Variants in RNF157 observed in about 807,000 individuals in gnomAD.
RNF157 encodes ring finger protein 157.
Under a neutral mutation model 88.3 loss-of-function variants are expected in RNF157, and 55 were observed. The observed-to-expected ratio is 0.62, with a 90% confidence interval of 0.50 to 0.78. The LOEUF (loss-of-function observed/expected upper bound fraction) is 0.78, where lower values mean the gene tolerates loss of function less well. Among genes scored for constraint, RNF157 ranks in the 30% least tolerant of loss-of-function variants. RNF157 has a pLI of 0.00. For synonymous variants in RNF157, 334 were observed against 341.2 expected, an observed-to-expected ratio of 0.98 and a Z score of 0.23; for missense variants, 788 against 860.8, an observed-to-expected ratio of 0.92 and a Z score of 1.06.
At chr17:76,146,000 G>C (rs2068579750) in intron 18 of RNF157, among the ~76,000 whole-genome samples, 1 of 152,150 alleles carries the variant, frequency 6.6e-6, no homozygotes, top group Non-Finnish European at 1.5e-5. Context: ...AGAGCCTCGG[G>C]GTCCCACAGA....
At position 76,165,687 on chromosome 17, in the gene RNF157, T is replaced by C. The variant is rs560269027; in HGVS notation, c.629-142A>G. The C allele has an allele frequency of 8.5e-5, 69 of 808,136 alleles. No homozygotes were observed. In the South Asian group the frequency reaches 1.0e-3, roughly 12 times the overall value. The allele number at this position is 808,136 out of a possible 1,614,324, so 50.1% of individuals were successfully genotyped here. A position where few individuals can be genotyped will look rare whatever the true frequency, so the allele number is the denominator to read the frequency against. On this transcript the variant is annotated intron_variant, in intron 6 of 18. Transcript: ENST00000269391. Reference sequence around the variant, plus strand: ...GGGCACGTTATATAACCCATACTTTTTTTTTTTTGAGACAGAGTCTGGCTC... The same window carrying C: ...GGGCACGTTATATAACCCATACTTTCTTTTTTTTGAGACAGAGTCTGGCTC...
intron 1 of RNF157, among the ~76,000 whole-genome samples, chr17:76,225,040 C>T (rs4789256): frequency 0.14 from 20,533 of 151,954 alleles, 2,040 homozygotes; most frequent in African/African-American, 0.26. Context: ...GGTATGGTGG[C>T]GGGCATCTGT....
chr17:76,224,508 A>G (rs1164037303), intron 1 of RNF157, among the ~76,000 whole-genome samples: 2 of 152,138 alleles, frequency 1.3e-5, no homozygotes, highest in African/African-American at 2.4e-5. Context: ...TAGATCACAA[A>G]AATAAGAAGA....
At chr17:76,235,945 G>C (rs1317599881) in intron 1 of RNF157, among the ~76,000 whole-genome samples, 1 of 152,154 alleles carries the variant, frequency 6.6e-6, no homozygotes, top group African/African-American at 2.4e-5. Context: ...GGACTTTGAG[G>C]TTACAGTGAG....
chr17:76,207,708 C>A (rs1343234345), intron 2 of RNF157, among the ~76,000 whole-genome samples: 1 of 152,176 alleles, frequency 6.6e-6, no homozygotes, highest in East Asian at 1.9e-4. Context: ...TAACCTAACA[C>A]TCATGTGCTG....
intron 1 of RNF157, among the ~76,000 whole-genome samples, chr17:76,235,775 G>A (rs1055525603): frequency 3.3e-5 from 5 of 152,254 alleles, no homozygotes; most frequent in South Asian, 4.1e-4. Flanking sequence ...TTGGGACCCC[G>A]AGGTGGGAGG....
intron 2 of RNF157, among the ~76,000 whole-genome samples, chr17:76,208,070 C>T (rs143418770): frequency 1.4e-4 from 22 of 152,044 alleles, no homozygotes; most frequent in African/African-American, 5.3e-4. Context: ...CATGCACCAC[C>T]ACGCCTGGCT....
Position 76,167,635 on chromosome 17 carries a change from G to A in RNF157, c.443+16C>T, listed in dbSNP as rs1034592463. 5.6e-6 allele frequency: 9 copies of A among 1,613,510 alleles called. No individual in the cohort carries two copies. The highest frequency in any genetic ancestry group is 3.3e-5 in the Admixed American group (2 of 59,982). On this transcript the variant is annotated intron_variant, in intron 4 of 18. Transcript: ENST00000269391. ...AATCTGGGAAGGAAGTGGCTCTCCT[G>A]GTCTCCTGATCTTACCTGGCAATAC...
chr17:76,240,196 C>T lies in RNF157; in HGVS notation c.45G>A (p.Val15=). Residue 15 remains valine, a synonymous_variant, in exon 1 of 19, where the codon GTG becomes GTA. Transcript: ENST00000269391. This position sits in a 1 kb window ranked among gnomAD's most constrained non-coding sequence, Gnocchi z 4.4. ...GGTACACGGAATTAGACGGGATGTC[C>T]ACCTCCTCCACGCCCGCGTGCTGCC... The part of the protein sequence containing the change: ...TSRQHAGVEE[V]DIPSNSVYRY... 7.1e-7 allele frequency: 1 copy of T among 1,411,826 alleles called. No individual in the cohort carries two copies. Among genetic ancestry groups the T allele is most frequent in the South Asian group, 1.7e-5 (1 of 60,142 alleles). The allele number at this position is 1,411,826 out of a possible 1,614,324, so 87.5% of individuals were successfully genotyped here.
At chr17:76,175,826 A>G (rs1391246666) in intron 2 of RNF157, 30 of 978,548 alleles carry the variant, frequency 3.1e-5, no homozygotes, top group Non-Finnish European at 3.6e-5. Flanking sequence ...GCCGCAAAAG[A>G]GAGAAAAATA....
At chr17:76,196,951 G>A (rs578170878) in intron 2 of RNF157, among the ~76,000 whole-genome samples, 2 of 152,326 alleles carry the variant, frequency 1.3e-5, no homozygotes, top group African/African-American at 4.8e-5. Flanking sequence ...GTTTGGTTTT[G>A]CTCCACTGCC....
At chr17:76,158,342 G>C (rs778699082) in intron 13 of RNF157, 51 bp downstream of exon 13, 2 of 1,235,788 alleles carry the variant, frequency 1.6e-6, no homozygotes, top group African/African-American at 1.5e-5. Flanking sequence ...GCAGGTAGGA[G>C]GGAAGTCCCT....
intron 2 of RNF157, among the ~76,000 whole-genome samples, chr17:76,192,069 T>C (rs913734346): frequency 6.6e-6 from 1 of 152,214 alleles, no homozygotes; most frequent in Admixed American, 6.5e-5. Context: ...AAGTATAGTT[T>C]CCCGTCAGAT....
chr17:76,232,990 C>T (rs558075042), intron 1 of RNF157, among the ~76,000 whole-genome samples: 11 of 151,856 alleles, frequency 7.2e-5, no homozygotes, highest in Admixed American at 1.3e-4. Flanking sequence ...GCCCAGTCTC[C>T]GCTCACTGCA....
intron 17 of RNF157, among the ~76,000 whole-genome samples, chr17:76,152,747 G>A (rs1423831382): frequency 3.3e-5 from 5 of 152,216 alleles, no homozygotes; most frequent in Non-Finnish European, 5.9e-5. Context: ...GCTCAACAGA[G>A]AATACTAGAG....
intron 2 of RNF157, chr17:76,175,747 C>T: frequency 2.0e-6 from 2 of 984,804 alleles, no homozygotes; most frequent in Non-Finnish European, 2.4e-6. Context: ...ATAACTCCTA[C>T]CTGCATTTCA....
rs778918909 is a variant in RNF157 at position 76,176,558 on chromosome 17, A to T, written c.208-2768T>A. On this transcript the variant is annotated intron_variant, in intron 2 of 18. Coordinates refer to ENST00000269391, the MANE Select transcript of RNF157 (RefSeq NM_052916.3). The surrounding 1 kb of genome is among the most constrained non-coding windows in gnomAD (Gnocchi z 4.2). ...TTATTGAGTGCTTACTATTGATGAC[A>T]GTGGTGGGCTGTCCAGAGCAGCCGC... Among the ~76,000 whole-genome samples, 1 of 152,214 alleles carries T rather than the reference A, an allele frequency of 6.6e-6. No homozygotes were observed. Among genetic ancestry groups the T allele is most frequent in the Non-Finnish European group, 1.5e-5 (1 of 68,032 alleles).
At chr17:76,159,837 GA>G (rs1250274488) in intron 11 of RNF157, among the ~76,000 whole-genome samples, 1 of 151,346 alleles carries the variant, frequency 6.6e-6, no homozygotes, top group Admixed American at 6.6e-5. Context: ...TAAAAGTAAG[GA>G]AAAAAAATCA....
Position 76,184,121 on chromosome 17 carries a change from G to A in RNF157, c.208-10331C>T, listed in dbSNP as rs371437378. 1.8e-3 allele frequency among the ~76,000 whole-genome samples: 270 copies of A among 151,350 alleles called. 1 individual carries two copies. Among genetic ancestry groups the A allele is most frequent in the African/African-American group, 6.0e-3 (249 of 41,168 alleles). ...CAAGATAATCACTTGAACCTGGGAG[G>A]CAGAGGTTTCAGTGAGCCAAGATAG... On this transcript the variant is annotated intron_variant, in intron 2 of 18. Coordinates refer to ENST00000269391, the MANE Select transcript of RNF157 (RefSeq NM_052916.3).
Sources: allele counts gnomAD v4.1 joint callset (sites outside exome capture counted in the v4.1 genomes callset), GRCh38; gene constraint gnomAD v4.1.1; non-coding constraint Gnocchi (gnomAD v3.1); transcripts MANE v1.5; gene names NCBI Gene and HGNC (gene_info 2026-07-23, HGNC 2026-07-21).